The following CFAP54 variants were observed in gnomAD, a reference collection of about 807,000 sequenced individuals.
CFAP54 encodes cilia and flagella associated protein 54.
CFAP54 carries 290 observed loss-of-function variants against 370.4 expected under a neutral mutation model. That is an observed-to-expected ratio of 0.78 (90% confidence interval 0.71 to 0.86). The LOEUF (loss-of-function observed/expected upper bound fraction) is 0.86, where lower values mean the gene tolerates loss of function less well. Among genes scored for constraint, CFAP54 ranks in the 40% least tolerant of loss-of-function variants. The pLI, the probability that CFAP54 is intolerant of heterozygous loss-of-function variation, is 0.00. For synonymous variants in CFAP54, 1,206 were observed against 1,236.5 expected (o/e 0.98, Z 0.52); for missense variants, 3,399 against 3,528.7 (o/e 0.96, Z 0.93).
chr12:96,679,179 C>T (rs945407625), intron 39 of CFAP54, among the ~76,000 whole-genome samples: 4 of 152,102 alleles, frequency 2.6e-5, no homozygotes, highest in African/African-American at 9.7e-5. Flanking sequence ...CCTTCCCTTC[C>T]GAGAGCAGAT....
intron 66 of CFAP54, among the ~76,000 whole-genome samples, chr12:96,843,071 C>T (rs953547284): frequency 6.6e-6 from 1 of 152,160 alleles, no homozygotes; most frequent in Non-Finnish European, 1.5e-5. Flanking sequence ...TTTGCTACTG[C>T]AGTGGGAGCT....
At chr12:96,705,178 G>A (rs1251530932) in intron 47 of CFAP54, among the ~76,000 whole-genome samples, 1 of 152,174 alleles carries the variant, frequency 6.6e-6, no homozygotes, top group African/African-American at 2.4e-5. Context: ...CCAGACGACA[G>A]TTAATGCAGA....
chr12:96,621,888 T>G (rs1278086369), intron 27 of CFAP54, among the ~76,000 whole-genome samples, 167 bp downstream of exon 27: 2 of 131,880 alleles, frequency 1.5e-5, no homozygotes, highest in African/African-American at 5.6e-5. Flanking sequence ...TTTTTTTTTT[T>G]TTTTTTTTTT....
intron 66 of CFAP54, among the ~76,000 whole-genome samples, chr12:96,853,981 A>G (rs370383492): frequency 2.0e-5 from 3 of 152,014 alleles, no homozygotes; most frequent in African/African-American, 4.8e-5. Context: ...CCTAATGTTA[A>G]GTAAAATTAA....
At chr12:96,616,941 G>A (rs1406542197) in intron 26 of CFAP54, among the ~76,000 whole-genome samples, 1 of 152,110 alleles carries the variant, frequency 6.6e-6, no homozygotes, top group Admixed American at 6.5e-5. Flanking sequence ...GCAGAGATGA[G>A]TTCAGAGAGA....
intron 66 of CFAP54, among the ~76,000 whole-genome samples, chr12:96,846,814 T>C (rs1164666733): frequency 6.6e-6 from 1 of 152,158 alleles, no homozygotes; most frequent in African/African-American, 2.4e-5. Context: ...ATTCTCTAGC[T>C]GAGCACTGTC....
At position 96,700,009 on chromosome 12, in the gene CFAP54, C is replaced by G. The variant is rs763960192; in HGVS notation, c.6390C>G (p.Ala2130=). The part of the protein sequence containing the change: ...VLIDLRFFSE[A]FYEISQIFYG... Reference sequence around the variant, plus strand: ...TAGATTTGAGATTCTTTTCTGAAGCCTTTTATGAGATATCCCAAATTTTCT... The same window carrying G: ...TAGATTTGAGATTCTTTTCTGAAGCGTTTTATGAGATATCCCAAATTTTCT... The change falls in exon 46 of 68, where the codon GCC becomes GCG. Residue 2130 remains alanine (A), a synonymous_variant. Transcript: ENST00000524981. The G allele has an allele frequency of 1.3e-6, 2 of 1,598,096 alleles. No individual in the cohort carries two copies. The highest frequency in any genetic ancestry group is 1.7e-5 in the Admixed American group (1 of 59,320).
intron 36 of CFAP54, among the ~76,000 whole-genome samples, chr12:96,656,769 G>C (rs564855632): frequency 1.1e-4 from 16 of 152,224 alleles, no homozygotes; most frequent in Non-Finnish European, 2.1e-4. Flanking sequence ...TAAGGCATAG[G>C]CATGACTAAC....
intron 1 of CFAP54, among the ~76,000 whole-genome samples, chr12:96,490,805 T>C (rs540878395): frequency 1.3e-5 from 2 of 150,634 alleles, no homozygotes; most frequent in South Asian, 4.1e-4. Context: ...TAGGAAAACA[T>C]CAAGTTAACA....
chr12:96,804,876 G>C (rs1311008069), intron 63 of CFAP54, among the ~76,000 whole-genome samples: 1 of 152,034 alleles, frequency 6.6e-6, no homozygotes, highest in Non-Finnish European at 1.5e-5. Flanking sequence ...AACAACAAAT[G>C]GTACTGGTAT....
At chr12:96,828,021 C>A (rs1228726171) in intron 65 of CFAP54, among the ~76,000 whole-genome samples, 7 of 109,572 alleles carry the variant, frequency 6.4e-5, no homozygotes, top group African/African-American at 2.2e-4. Context: ...ATATATAATA[C>A]GTATTAATAT....
intron 66 of CFAP54, 101 bp downstream of exon 66, chr12:96,829,189 A>C (rs1452833783): frequency 1.8e-6 from 1 of 570,316 alleles, no homozygotes. Flanking sequence ...TCAAGGGCCT[A>C]ACCCTCCTTA....
At chr12:96,854,918 A>T (rs1451714355) in intron 66 of CFAP54, among the ~76,000 whole-genome samples, 1 of 152,188 alleles carries the variant, frequency 6.6e-6, no homozygotes, top group Non-Finnish European at 1.5e-5. Flanking sequence ...AGCCTGTATT[A>T]GTATGTTCTA....
chr12:96,691,040 A>G (rs1957382155), intron 43 of CFAP54, 88 bp from the exon 44 acceptor site: 3 of 1,160,574 alleles, frequency 2.6e-6, no homozygotes, highest in Non-Finnish European at 3.7e-6. Flanking sequence ...TAAGCATTTT[A>G]TAAAGCAATA....
chr12:96,645,206 T>G (rs962797867), intron 33 of CFAP54: 1 of 456,124 alleles, frequency 2.2e-6, no homozygotes, highest in Non-Finnish European at 4.4e-6. Flanking sequence ...CTGTGAGAGA[T>G]AAAAATAGAA....
chr12:96,536,156 G>T (rs1297713399), intron 12 of CFAP54, among the ~76,000 whole-genome samples: 5 of 152,162 alleles, frequency 3.3e-5, no homozygotes, highest in African/African-American at 1.2e-4. Context: ...GTAAACATGT[G>T]CCGTGGTGGT....
chr12:96,559,033 T>C (rs1955787245), intron 17 of CFAP54, among the ~76,000 whole-genome samples: 1 of 152,058 alleles, frequency 6.6e-6, no homozygotes, highest in Non-Finnish European at 1.5e-5. Flanking sequence ...CTGGCCAACA[T>C]GGTGAAACCC....
At position 96,507,028 on chromosome 12, in the gene CFAP54, T is replaced by A; in HGVS notation, c.668T>A (p.Ile223Asn). The A allele has an allele frequency of 6.5e-7, 1 of 1,536,040 alleles. No individual in the cohort carries two copies. The highest frequency in any genetic ancestry group is 8.7e-7 in the Non-Finnish European group (1 of 1,146,820). ...NKESVVQCLH[I>N]LSSLRLIMQV... ...GAATCTGTGGTCCAGTGTCTGCATA[T>A]CTTGTCCTCCTTAAGGCTCATCATG... is the stretch of plus-strand genomic sequence containing the variant. Residue 223 changes from isoleucine to asparagine, a missense_variant, in exon 4 of 68, where the codon ATC becomes AAC. Coordinates refer to ENST00000524981, the MANE Select transcript of CFAP54 (RefSeq NM_001306084.2).
Position 96,756,754 on chromosome 12 carries a change from G to T in CFAP54, c.7946+191G>T, listed in dbSNP as rs78665374. Among the ~76,000 whole-genome samples the T allele has an allele frequency of 3.3e-5, 5 of 152,282 alleles. No homozygotes were observed. In the East Asian group the frequency reaches 9.7e-4, roughly 29 times the overall value. ...TCCTTTAAAGTAATGGTAAATGATG[G>T]CTGTCCTCATAGTGGGATATTGGCC... On this transcript the variant is annotated intron_variant, in intron 57 of 67. Transcript: ENST00000524981.
Sources: gnomAD v4.1 joint callset for allele counts (sites outside exome capture counted in the v4.1 genomes callset) on GRCh38, gnomAD v4.1.1 for gene constraint, MANE v1.5 for transcripts, NCBI Gene and HGNC (gene_info 2026-07-23, HGNC 2026-07-21) for gene names.